AFF3: variants seen among roughly 807,000 people sequenced by gnomAD.
AFF3 encodes AF4/FMR2 family member 3.
In AFF3, 32 loss-of-function variants were observed where a neutral mutation model predicts 129.7. The ratio of observed to expected loss-of-function variants is 0.25; its 90% CI spans 0.19 to 0.33. The LOEUF (loss-of-function observed/expected upper bound fraction) is 0.33, where lower values mean the gene tolerates loss of function less well. AFF3 is among the 10% of genes least tolerant of loss of function. AFF3 has a pLI of 1.00. For missense variants in AFF3, 1,373 were observed against 1,592.0 expected (o/e 0.86, Z 2.34); for synonymous variants, 644 against 635.4 (o/e 1.01, Z -0.20).
At chr2:100,039,185 C>G (rs1322491482) in intron 4 of AFF3, among the ~76,000 whole-genome samples, 1 of 152,154 alleles carries the variant, frequency 6.6e-6, no homozygotes, top group East Asian at 1.9e-4. Flanking sequence ...AATGGCTTCC[C>G]CAATAGCTAT....
At chr2:100,105,185 C>G in intron 3 of AFF3, 1 of 501,234 alleles carries the variant, frequency 2.0e-6, no homozygotes, top group Non-Finnish European at 2.7e-6. Flanking sequence ...CTTGCCCGGG[C>G]TGCACGCACT....
chr2:99,942,990 GA>G (rs992004319), intron 7 of AFF3, among the ~76,000 whole-genome samples: 1 of 152,140 alleles, frequency 6.6e-6, no homozygotes, highest in Non-Finnish European at 1.5e-5. Context: ...CTGCGTTAGA[GA>G]AAACCATTTT....
rs113114105 is a variant in AFF3, at chr2:99,642,289, CT to C, written c.1184+7336del. Among the ~76,000 whole-genome samples, 962 of 143,796 alleles carry C rather than the reference CT, an allele frequency of 6.7e-3. 3 individuals carry two copies. The highest frequency in any genetic ancestry group is 0.018 in the African/African-American group (715 of 39,572). The allele number at this position is 143,796 out of a possible 152,430, so 94.3% of individuals were successfully genotyped here. ...TTTAATTATACTGAGTGGTTTTGATCTTTTTTTTTTTTTGAGACTTTCTTGC... is the reference window on the plus strand; with the variant it reads ...TTTAATTATACTGAGTGGTTTTGATCTTTTTTTTTTTTGAGACTTTCTTGC... On this transcript the variant is annotated intron_variant, in intron 13 of 24. Coordinates refer to ENST00000672756, the MANE Select transcript of AFF3 (RefSeq NM_001386135.1).
intron 1 of AFF3, among the ~76,000 whole-genome samples, chr2:100,135,555 G>T (rs2105601635): frequency 6.6e-6 from 1 of 152,280 alleles, no homozygotes; most frequent in East Asian, 1.9e-4. Context: ...GAGCTCCAAG[G>T]CACCAGACGT....
intron 11 of AFF3, among the ~76,000 whole-genome samples, chr2:99,724,166 T>C (rs1679148038): frequency 6.6e-6 from 1 of 152,008 alleles, no homozygotes. Flanking sequence ...TTGTGACTCA[T>C]GGCTTTAGTT....
chr2:100,056,371 T>C (rs757576214), intron 4 of AFF3, among the ~76,000 whole-genome samples: 1 of 152,140 alleles, frequency 6.6e-6, no homozygotes, highest in Non-Finnish European at 1.5e-5. Context: ...GCTTCTAGAA[T>C]TCCTCAGAAA....
intron 7 of AFF3, among the ~76,000 whole-genome samples, chr2:99,896,092 A>G (rs890690837): frequency 3.6e-5 from 5 of 137,966 alleles, no homozygotes; most frequent in Non-Finnish European, 7.8e-5. Context: ...AAAAAAAAAA[A>G]GCTATCTCAT....
At chr2:99,744,275 A>G (rs888848832) in intron 9 of AFF3, 135 bp from the exon 10 acceptor site, 7 of 661,724 alleles carry the variant, frequency 1.1e-5, no homozygotes, top group Non-Finnish European at 1.8e-5. Context: ...CTTTAATGAG[A>G]AACATATACA....
chr2:99,920,391 C>T (rs994134943), intron 7 of AFF3, among the ~76,000 whole-genome samples: 4 of 152,072 alleles, frequency 2.6e-5, no homozygotes, highest in South Asian at 2.1e-4. Context: ...TTGAAATCAG[C>T]GTAGTCCAAT....
intron 4 of AFF3, among the ~76,000 whole-genome samples, chr2:100,009,216 C>G (rs1172536637): frequency 1.3e-5 from 2 of 152,110 alleles, no homozygotes; most frequent in Non-Finnish European, 2.9e-5. Flanking sequence ...CAGGAGAAGA[C>G]TGAAAGTAAT....
At chr2:100,104,197 C>T (rs1052693334) in intron 4 of AFF3, among the ~76,000 whole-genome samples, 28 of 152,012 alleles carry the variant, frequency 1.8e-4, no homozygotes, top group Non-Finnish European at 3.4e-4. Flanking sequence ...GGGAGGGGAA[C>T]AGGAGAGGGG....
intron 11 of AFF3, among the ~76,000 whole-genome samples, chr2:99,677,223 T>C (rs987026492): frequency 2.0e-5 from 3 of 147,266 alleles, no homozygotes; most frequent in Non-Finnish European, 4.4e-5. Context: ...TGAGCCGAGG[T>C]TGTACCACTG....
At chr2:99,774,626 A>G (rs992960359) in intron 8 of AFF3, among the ~76,000 whole-genome samples, 1 of 152,218 alleles carries the variant, frequency 6.6e-6, no homozygotes, top group Non-Finnish European at 1.5e-5. Context: ...GCAAAACCCA[A>G]AACTAAAAAA....
In AFF3 at chr2:99,966,719, A is replaced by G. The variant is rs1209391500; in HGVS notation, c.873+39913T>C. Among the ~76,000 whole-genome samples the G allele has an allele frequency of 6.2e-5, 9 of 145,090 alleles. No homozygotes were observed. In the South Asian group the frequency reaches 6.5e-4, roughly 10 times the overall value. ...AAAAAAAAAAAAAAAAAAAAAAAAA[A>G]AAAGAAAATGAAGAATGACAGAGGA... On this transcript the variant is annotated intron_variant, in intron 7 of 24. Coordinates refer to ENST00000672756, the MANE Select transcript of AFF3 (RefSeq NM_001386135.1).
chr2:100,044,821 C>T (rs1010953303), intron 4 of AFF3, among the ~76,000 whole-genome samples: 1 of 152,016 alleles, frequency 6.6e-6, no homozygotes, highest in Non-Finnish European at 1.5e-5. Flanking sequence ...GAGGCCCCAT[C>T]AAACATGGGG....
chr2:99,756,553 C>A (rs1179072587), intron 8 of AFF3, among the ~76,000 whole-genome samples: 2 of 152,250 alleles, frequency 1.3e-5, no homozygotes, highest in Non-Finnish European at 2.9e-5. Flanking sequence ...CTGTCTGTTA[C>A]TCTGTCCTTG....
At chr2:99,735,712 C>T (rs1360044036) in intron 10 of AFF3, among the ~76,000 whole-genome samples, 4 of 152,144 alleles carry the variant, frequency 2.6e-5, no homozygotes, top group Non-Finnish European at 5.9e-5. Context: ...AGACTGGTCT[C>T]GAATTCCTGA....
At chr2:99,660,036 C>T (rs1686090022) in intron 12 of AFF3, among the ~76,000 whole-genome samples, 1 of 152,178 alleles carries the variant, frequency 6.6e-6, no homozygotes, top group Non-Finnish European at 1.5e-5. Flanking sequence ...CCATTAATGG[C>T]TTTCATCTTT....
intron 4 of AFF3, among the ~76,000 whole-genome samples, chr2:100,103,851 A>C (rs55681604): frequency 6.6e-6 from 1 of 150,442 alleles, no homozygotes; most frequent in Non-Finnish European, 1.5e-5. Context: ...ACGGAGAAAC[A>C]CTCGTTTCCT....
Sources: allele counts gnomAD v4.1 joint callset (sites outside exome capture counted in the v4.1 genomes callset), GRCh38; gene constraint gnomAD v4.1.1; transcripts MANE v1.5; gene names NCBI Gene and HGNC (gene_info 2026-07-23, HGNC 2026-07-21).